The following PTK7 variants were observed in gnomAD, a reference collection of about 807,000 sequenced individuals.
The protein encoded by PTK7 is inactive tyrosine-protein kinase 7.
PTK7 carries 39 observed loss-of-function variants against 116.6 expected under a neutral mutation model. The ratio of observed to expected loss-of-function variants is 0.33; its 90% CI spans 0.26 to 0.44. PTK7 has a LOEUF of 0.44. Ranked by LOEUF, PTK7 falls within the 20% of genes least tolerant of loss-of-function variation. The pLI is 1.00. For synonymous variants in PTK7, 546 were observed against 563.6 expected (o/e 0.97, Z 0.44); for missense variants, 1,169 against 1,425.6 (o/e 0.82, Z 2.90).
chr6:43,141,569 C>G lies in PTK7; in HGVS notation c.1619-99C>G, dbSNP rs1029611169. On this transcript the variant is annotated intron_variant, in intron 10 of 19. Transcript: ENST00000230419. The surrounding 1 kb of genome is among the most constrained non-coding windows in gnomAD (Gnocchi z 4.9). ...GACTTTGCCTGTGGGTGGTCAGGAG[C>G]GATGGTGTGTTTTTGAGTAGAGGTG... 2.1e-6 allele frequency: 3 copies of G among 1,406,042 alleles called. No homozygotes were observed. Among genetic ancestry groups the G allele is most frequent in the Admixed American group, 1.9e-5 (1 of 51,826 alleles). The allele number at this position is 1,406,042 out of a possible 1,614,324, so 87.1% of individuals were successfully genotyped here.
intron 1 of PTK7, among the ~76,000 whole-genome samples, chr6:43,092,551 A>C (rs1767006372): frequency 6.6e-6 from 1 of 152,126 alleles, no homozygotes; most frequent in Non-Finnish European, 1.5e-5. Flanking sequence ...TTAGGCATCC[A>C]CTGGGGGGTC....
At chr6:43,109,601 AC>A (rs1187815551) in intron 1 of PTK7, among the ~76,000 whole-genome samples, 1 of 152,126 alleles carries the variant, frequency 6.6e-6, no homozygotes, top group African/African-American at 2.4e-5. Flanking sequence ...CCATATGCTT[AC>A]CAGCGTTGAG....
At chr6:43,113,905 T>G (rs900807122) in intron 1 of PTK7, among the ~76,000 whole-genome samples, 1 of 152,198 alleles carries the variant, frequency 6.6e-6, no homozygotes, top group South Asian at 2.1e-4. Context: ...GGTGTATATA[T>G]AGAGCCTCCG....
intron 1 of PTK7, among the ~76,000 whole-genome samples, chr6:43,078,461 G>C (rs1463507185): frequency 6.6e-6 from 1 of 152,158 alleles, no homozygotes; most frequent in African/African-American, 2.4e-5. Context: ...TTCAGTGGAG[G>C]CCGAGGCGCC....
intron 17 of PTK7, among the ~76,000 whole-genome samples, chr6:43,149,212 A>T (rs1357284887): frequency 6.6e-6 from 1 of 151,612 alleles, no homozygotes; most frequent in Non-Finnish European, 1.5e-5. Flanking sequence ...TCTCTACTAA[A>T]AATACAAAAA....
At chr6:43,142,111 C>T (rs781500828) in intron 12 of PTK7, 30 bp downstream of exon 12, 2 of 1,612,144 alleles carry the variant, frequency 1.2e-6, no homozygotes, top group Non-Finnish European at 1.7e-6. Flanking sequence ...ACACCCGTCC[C>T]TCCTCTCCTG....
rs1043243366 is a variant in PTK7, at chr6:43,079,636, G to A, written c.79+3069G>A. Reference sequence around the variant, plus strand: ...AGACAGGGTCTCCTCTATCACCCAGGCTAGAGTGCAGTGGCACAATCTTGG... The same window carrying A: ...AGACAGGGTCTCCTCTATCACCCAGACTAGAGTGCAGTGGCACAATCTTGG... On this transcript the variant is annotated intron_variant, in intron 1 of 19. Transcript: ENST00000230419. Among the ~76,000 whole-genome samples, 14 of 152,208 alleles carry A rather than the reference G, an allele frequency of 9.2e-5. No homozygotes were observed. In the Middle Eastern group the frequency reaches 0.01, roughly 112 times the overall value.
intron 17 of PTK7, among the ~76,000 whole-genome samples, chr6:43,157,169 T>TG (rs1561989752): frequency 7.3e-6 from 1 of 136,666 alleles, no homozygotes; most frequent in African/African-American, 2.6e-5. Context: ...TGGATTGTGG[T>TG]TTTTTTTTTT....
intron 1 of PTK7, among the ~76,000 whole-genome samples, chr6:43,117,258 A>G (rs1768613419): frequency 6.6e-6 from 1 of 152,238 alleles, no homozygotes; most frequent in African/African-American, 2.4e-5. Flanking sequence ...GCCACAGAGA[A>G]GGATCCTCAA....
chr6:43,108,833 A>G (rs1768040215), intron 1 of PTK7, among the ~76,000 whole-genome samples: 3 of 152,202 alleles, frequency 2.0e-5, no homozygotes. Flanking sequence ...GCCATCACTA[A>G]TCATTGCTAG....
chr6:43,136,416 C>T (rs1770047053), intron 7 of PTK7, among the ~76,000 whole-genome samples: 1 of 152,004 alleles, frequency 6.6e-6, no homozygotes, highest in South Asian at 2.1e-4. Context: ...TGGACAGGTT[C>T]AGGTGGGCCC....
chr6:43,145,002 T>C lies in PTK7; in HGVS notation c.2408-198T>C, dbSNP rs1359824898. 4.2e-6 allele frequency: 2 copies of C among 471,076 alleles called. No homozygotes were observed. The highest frequency in any genetic ancestry group is 3.8e-5 in the African/African-American group (2 of 52,136). 29.2% of individuals were successfully genotyped at this position (471,076 alleles called of 1,614,324 possible). ...ATGCGAGTCACCCTTTGGAAAATGC[T>C]GAATATTAGTCCCACCCTTTTATTT... On this transcript the variant is annotated intron_variant, in intron 15 of 19. Coordinates refer to ENST00000230419, the MANE Select transcript of PTK7 (RefSeq NM_002821.5). This position sits in a 1 kb window ranked among gnomAD's most constrained non-coding sequence, Gnocchi z 4.8.
At position 43,145,511 on chromosome 6, in the gene PTK7, C is replaced by A; in HGVS notation, c.2640+79C>A. ...CAAAGGTGGGAGTCAGTGGTTGGAG[C>A]ACCGTGAAAACCTTGTCTCGTGCAG... On this transcript the variant is annotated intron_variant, in intron 16 of 19. Coordinates refer to ENST00000230419, the MANE Select transcript of PTK7 (RefSeq NM_002821.5). This position sits in a 1 kb window ranked among gnomAD's most constrained non-coding sequence, Gnocchi z 4.8. 1.6e-6 allele frequency: 2 copies of A among 1,239,862 alleles called. No homozygotes were observed. Among genetic ancestry groups the A allele is most frequent in the Non-Finnish European group, 2.2e-6 (2 of 907,004 alleles). 76.8% of individuals were successfully genotyped at this position (1,239,862 alleles called of 1,614,324 possible). A position where few individuals can be genotyped will look rare whatever the true frequency, so the allele number is the denominator to read the frequency against.
intron 17 of PTK7, among the ~76,000 whole-genome samples, chr6:43,153,571 G>A (rs1771252745): frequency 6.6e-6 from 1 of 152,128 alleles, no homozygotes; most frequent in South Asian, 2.1e-4. Flanking sequence ...CACCACACCT[G>A]GCTAATTTTT....
Position 43,144,624 on chromosome 6 carries a change from C to G in PTK7, c.2407+18C>G, listed in dbSNP as rs934578617. ...CACGCTGGGTATGTTGCCTTGACTACAGCTGCCCCTGCCTAACTACAAGTC... is the reference window on the plus strand; with the variant it reads ...CACGCTGGGTATGTTGCCTTGACTAGAGCTGCCCCTGCCTAACTACAAGTC... On this transcript the variant is annotated intron_variant, in intron 15 of 19. Transcript: ENST00000230419. 9 of 1,595,026 alleles carry G rather than the reference C, an allele frequency of 5.6e-6. No individual in the cohort carries two copies. In the African/African-American group the frequency reaches 1.1e-4, roughly 19 times the overall value.
Position 43,141,551 on chromosome 6 carries a change from C to G in PTK7, c.1619-117C>G. 7.9e-7 allele frequency: 1 copy of G among 1,272,686 alleles called. No individual in the cohort carries two copies. Among genetic ancestry groups the G allele is most frequent in the Non-Finnish European group, 1.1e-6 (1 of 916,808 alleles). The allele number at this position is 1,272,686 out of a possible 1,614,324, so 78.8% of individuals were successfully genotyped here. Reference sequence around the variant, plus strand: ...ACTTGGCTCAGGAGTTTGGACTTTGCCTGTGGGTGGTCAGGAGCGATGGTG... The same window carrying G: ...ACTTGGCTCAGGAGTTTGGACTTTGGCTGTGGGTGGTCAGGAGCGATGGTG... On this transcript the variant is annotated intron_variant, in intron 10 of 19. Coordinates refer to ENST00000230419, the MANE Select transcript of PTK7 (RefSeq NM_002821.5). This position sits in a 1 kb window ranked among gnomAD's most constrained non-coding sequence, Gnocchi z 4.9.
intron 1 of PTK7, among the ~76,000 whole-genome samples, chr6:43,082,212 G>A (rs533850238): frequency 6.6e-6 from 1 of 152,238 alleles, no homozygotes; most frequent in South Asian, 2.1e-4. Flanking sequence ...GTCTCACTCT[G>A]TCGCCCAGGC....
At chr6:43,117,575 C>T (rs1334915288) in intron 1 of PTK7, among the ~76,000 whole-genome samples, 1 of 152,142 alleles carries the variant, frequency 6.6e-6, no homozygotes, top group African/African-American at 2.4e-5. Flanking sequence ...CTCCGATTTC[C>T]TTGTCTATAA....
At chr6:43,154,378 G>C (rs1439816804) in intron 17 of PTK7, among the ~76,000 whole-genome samples, 3 of 152,028 alleles carry the variant, frequency 2.0e-5, no homozygotes, top group African/African-American at 7.2e-5. Flanking sequence ...CATGGGGATA[G>C]TGCCTACTGT....
Sources: allele counts gnomAD v4.1 joint callset (sites outside exome capture counted in the v4.1 genomes callset), GRCh38; gene constraint gnomAD v4.1.1; non-coding constraint Gnocchi (gnomAD v3.1); transcripts MANE v1.5; gene names NCBI Gene and HGNC (gene_info 2026-07-23, HGNC 2026-07-21).